The following KIF1B variants were observed in gnomAD, a reference collection of about 807,000 sequenced individuals.
The protein encoded by KIF1B is kinesin-like protein KIF1B.
KIF1B carries 76 observed loss-of-function variants against 241.9 expected under a neutral mutation model. That is an observed-to-expected ratio of 0.31 (90% CI 0.26 to 0.38). The LOEUF is 0.38. Ranked by LOEUF, KIF1B falls within the 10% of genes least tolerant of loss-of-function variation. The pLI is 1.00. For missense variants in KIF1B, 1,622 were observed against 2,271.4 expected, an observed-to-expected ratio of 0.71 and a Z score of 5.81; for synonymous variants, 750 against 796.7, an observed-to-expected ratio of 0.94 and a Z score of 0.99.
chr1:10,302,100 A>G (rs1479578998), intron 22 of KIF1B, among the ~76,000 whole-genome samples: 1 of 152,218 alleles, frequency 6.6e-6, no homozygotes, highest in African/African-American at 2.4e-5. Flanking sequence ...AATAGCTAAA[A>G]ATGTCCTGGG....
intron 1 of KIF1B, among the ~76,000 whole-genome samples, chr1:10,216,052 C>G (rs1646763614): frequency 6.6e-6 from 1 of 152,152 alleles, no homozygotes; most frequent in African/African-American, 2.4e-5. Context: ...TAATTTAACC[C>G]TAATAGCAGC....
intron 2 of KIF1B, among the ~76,000 whole-genome samples, chr1:10,253,839 G>A (rs986058699): frequency 2.0e-5 from 3 of 152,160 alleles, no homozygotes; most frequent in Non-Finnish European, 2.9e-5. Flanking sequence ...TGTACAGTGT[G>A]AGCTTTATTA....
chr1:10,234,528 CT>C (rs1011723253), intron 2 of KIF1B, among the ~76,000 whole-genome samples: 163 of 122,320 alleles, frequency 1.3e-3, no homozygotes, highest in Middle Eastern at 5.2e-3. Flanking sequence ...TTTGTTTTTT[CT>C]TTTTTTTTTT....
At chr1:10,282,840 G>A (rs1649480185) in intron 15 of KIF1B, among the ~76,000 whole-genome samples, 1 of 152,140 alleles carries the variant, frequency 6.6e-6, no homozygotes, top group Admixed American at 6.5e-5. Flanking sequence ...TAATTGTTTT[G>A]TTAGAAATTT....
intron 45 of KIF1B, among the ~76,000 whole-genome samples, chr1:10,373,932 AGCTGAT>A (rs1638814452): frequency 6.6e-6 from 1 of 152,214 alleles, no homozygotes; most frequent in Non-Finnish European, 1.5e-5. Context: ...TCCCAGGTGA[AGCTGAT>A]GCTGCTGGCT....
chr1:10,281,978 T>G (rs1649426148), intron 14 of KIF1B, among the ~76,000 whole-genome samples: 1 of 152,230 alleles, frequency 6.6e-6, no homozygotes, highest in South Asian at 2.1e-4. Flanking sequence ...CTAGAAAGAC[T>G]AAATGGAAGG....
intron 15 of KIF1B, 101 bp downstream of exon 15, chr1:10,282,634 C>T: frequency 2.1e-6 from 2 of 958,216 alleles, no homozygotes; most frequent in South Asian, 2.6e-5. Flanking sequence ...ATATGGAGAA[C>T]TCTTTGACTC....
rs1638832305 is a variant in KIF1B at position 10,374,536 on chromosome 1, C to T, written c.5096+71C>T. ...CACAGGAAGAAGTGACTGGCCAGCT[C>T]TTCCCTGTGAGGTCTGTACTGTAGT... On this transcript the variant is annotated intron_variant, in intron 46 of 48. Coordinates refer to ENST00000676179, the MANE Select transcript of KIF1B (RefSeq NM_001365951.3). The surrounding 1 kb of genome is among the most constrained non-coding windows in gnomAD (Gnocchi z 4.3). The T allele has an allele frequency of 2.9e-5, 45 of 1,528,880 alleles. 1 individual carries two copies. The South Asian group carries it at 4.7e-4, about 16-fold the overall frequency. The allele number at this position is 1,528,880 out of a possible 1,614,324, so 94.7% of individuals were successfully genotyped here.
At chr1:10,244,104 T>TA (rs1290928221) in intron 2 of KIF1B, among the ~76,000 whole-genome samples, 5 of 152,018 alleles carry the variant, frequency 3.3e-5, no homozygotes, top group Non-Finnish European at 5.9e-5. Flanking sequence ...CCCTGTTTTA[T>TA]AAAAAAATGG....
At chr1:10,296,434 A>G (rs1037096780) in intron 19 of KIF1B, 148 bp from the exon 20 acceptor site, 1 of 695,036 alleles carries the variant, frequency 1.4e-6, no homozygotes, top group Non-Finnish European at 2.6e-6. Context: ...TGGTACCCCA[A>G]AATGAACTAC....
chr1:10,354,935 G>A (rs1178623606), intron 38 of KIF1B, among the ~76,000 whole-genome samples: 1 of 152,224 alleles, frequency 6.6e-6, no homozygotes, highest in Non-Finnish European at 1.5e-5. Context: ...TATATTATGT[G>A]TGTATCTTAG....
intron 17 of KIF1B, 53 bp downstream of exon 17, chr1:10,292,175 T>G: frequency 7.1e-7 from 1 of 1,408,128 alleles, no homozygotes; most frequent in South Asian, 1.1e-5. Context: ...TTTGTTTGTC[T>G]TTGTTACTGG....
chr1:10,348,602 G>C (rs766765017), intron 36 of KIF1B, 47 bp from the exon 37 acceptor site: 3 of 1,408,370 alleles, frequency 2.1e-6, no homozygotes, highest in South Asian at 1.2e-5. Context: ...GACGAGAGGA[G>C]ATAATAGATT....
At chr1:10,229,133 G>A (rs1340991995) in intron 1 of KIF1B, among the ~76,000 whole-genome samples, 1 of 152,096 alleles carries the variant, frequency 6.6e-6, no homozygotes, top group Non-Finnish European at 1.5e-5. Flanking sequence ...GTGAATATAA[G>A]TCATGCTCCA....
intron 33 of KIF1B, among the ~76,000 whole-genome samples, chr1:10,342,533 A>T (rs1445462364): frequency 6.6e-6 from 1 of 152,238 alleles, no homozygotes; most frequent in Non-Finnish European, 1.5e-5. Context: ...TGAGGAAAGC[A>T]ACAGTGGGCC....
intron 34 of KIF1B, chr1:10,345,569 T>C (rs1453523089): frequency 2.4e-6 from 1 of 419,644 alleles, no homozygotes; most frequent in African/African-American, 2.0e-5. Context: ...CATGAGCACA[T>C]TTATTCTACA....
At position 10,210,657 on chromosome 1, in the gene KIF1B, GCC is replaced by G. The variant is rs140167753; in HGVS notation, c.-299_-298del. On this transcript the variant is annotated 5_prime_UTR_variant, in exon 1 of 49. Transcript: ENST00000676179. The surrounding 1 kb of genome is among the most constrained non-coding windows in gnomAD (Gnocchi z 4.1). Reference sequence around the variant, plus strand: ...AGCCGTCACCGCCGGCCGTCGCCGCGCCCTGGCCTCCCGCACTCGCGCACTCC... The same window carrying G: ...AGCCGTCACCGCCGGCCGTCGCCGCGCTGGCCTCCCGCACTCGCGCACTCC... 37,507 of 152,248 alleles carry G rather than the reference GCC, an allele frequency of 0.25. 4,855 individuals carry two copies. The highest frequency in any genetic ancestry group is 0.31 in the Admixed American group (4,695 of 15,196). 9.4% of individuals were successfully genotyped at this position (152,248 alleles called of 1,614,324 possible).
At chr1:10,270,349 T>G (rs1185125164) in intron 7 of KIF1B, among the ~76,000 whole-genome samples, 3 of 151,148 alleles carry the variant, frequency 2.0e-5, no homozygotes, top group Admixed American at 6.6e-5. Flanking sequence ...TATGTACTGT[T>G]TTTTGTCTGG....
rs138932291 is a variant in KIF1B at position 10,314,915 on chromosome 1, AT to A, written c.2116-5120del. On this transcript the variant is annotated intron_variant, in intron 22 of 48. Transcript: ENST00000676179. The stretch of plus-strand genomic sequence containing the variant: ...GAAATCCTCAAGATAAAGTATTAAC[AT>A]TTTTTTTCTACCTGATGATTTTTAG... 2.1e-3 allele frequency among the ~76,000 whole-genome samples: 312 copies of A among 151,090 alleles called. 1 individual carries two copies. The highest frequency in any genetic ancestry group is 3.6e-3 in the Non-Finnish European group (242 of 67,938).
Sources: allele counts gnomAD v4.1 joint callset (sites outside exome capture counted in the v4.1 genomes callset), GRCh38; gene constraint gnomAD v4.1.1; non-coding constraint Gnocchi (gnomAD v3.1); transcripts MANE v1.5; gene names NCBI Gene and HGNC (gene_info 2026-07-23, HGNC 2026-07-21).